The following ZC3HC1 variants were observed in gnomAD, a reference collection of about 807,000 sequenced individuals.
ZC3HC1 encodes the protein zinc finger C3HC-type protein 1.
ZC3HC1 carries 38 observed loss-of-function variants against 61.9 expected under a neutral mutation model. The observed-to-expected ratio is 0.61, with a 90% CI of 0.47 to 0.81. ZC3HC1 has a LOEUF of 0.81. Among genes scored for constraint, ZC3HC1 ranks in the 30% least tolerant of loss-of-function variants. The pLI, the probability that ZC3HC1 is intolerant of heterozygous loss-of-function variation, is 0.00. For missense variants in ZC3HC1, 554 were observed against 622.7 expected, an observed-to-expected ratio of 0.89 and a Z score of 1.17; for synonymous variants, 213 against 229.9, an observed-to-expected ratio of 0.93 and a Z score of 0.67.
chr7:130,024,366 G>T lies in ZC3HC1; in HGVS notation c.917C>A (p.Pro306Gln). ...ASFGLTSSPIPGLEGRPERLP... is the reference protein window; with the variant it reads ...ASFGLTSSPIQGLEGRPERLP... The stretch of plus-strand genomic sequence containing the variant: ...GCGCTCTGGTCGCCCCTCAAGGCCT[G>T]GGATTGGGGAGCTGGTCAGGCCAAA... Residue 306 changes from proline (P) to glutamine (Q), a missense_variant, in exon 7 of 10, where the codon CCA becomes CAA. Physicochemically the swap from Pro to Gln is moderately conservative, Grantham distance 76 (BLOSUM62 -1). Coordinates refer to ENST00000358303, the MANE Select transcript of ZC3HC1 (RefSeq NM_016478.5). 1 of 1,614,132 alleles carries T rather than the reference G, an allele frequency of 6.2e-7. No homozygotes were observed. Among genetic ancestry groups the T allele is most frequent in the East Asian group, 2.2e-5 (1 of 44,872 alleles).
At chr7:130,051,383 G>C, upstream of ZC3HC1, 2 of 1,612,036 alleles carry the variant, frequency 1.2e-6, no homozygotes, top group South Asian at 1.1e-5. Context: ...CCGCTGCCGA[G>C]TTGCTTCCCC....
chr7:130,026,042 G>T, intron 6 of ZC3HC1, 116 bp downstream of exon 6: 2 of 1,265,672 alleles, frequency 1.6e-6, no homozygotes, highest in Admixed American at 2.6e-5. Context: ...GTTTTTCTTT[G>T]TCTCTTTTTC....
At position 130,023,821 on chromosome 7, in the gene ZC3HC1, A is replaced by G; in HGVS notation, c.1021-98T>C. ...AATCTTTTTTCTTTTTTTTTTTGAGACAGAGTCTCGCTTTGTTGCCAAGGC... is the reference window on the plus strand; with the variant it reads ...AATCTTTTTTCTTTTTTTTTTTGAGGCAGAGTCTCGCTTTGTTGCCAAGGC... On this transcript the variant is annotated intron_variant, in intron 7 of 9. Transcript: ENST00000358303. This position sits in a 1 kb window ranked among gnomAD's most constrained non-coding sequence, Gnocchi z 4.2. 3.6e-6 allele frequency: 4 copies of G among 1,120,258 alleles called. No homozygotes were observed. The highest frequency in any genetic ancestry group is 3.7e-6 in the Non-Finnish European group (3 of 806,976). The allele number at this position is 1,120,258 out of a possible 1,614,324, so 69.4% of individuals were successfully genotyped here.
intron 6 of ZC3HC1, among the ~76,000 whole-genome samples, chr7:130,024,830 G>T (rs1204731268): frequency 6.7e-6 from 1 of 149,948 alleles, no homozygotes; most frequent in Admixed American, 6.7e-5. Context: ...GATCACCTGA[G>T]GTCAGGAGTT....
At chr7:130,049,773 A>G (rs1443128753) in intron 1 of ZC3HC1, among the ~76,000 whole-genome samples, 2 of 151,982 alleles carry the variant, frequency 1.3e-5, no homozygotes, top group African/African-American at 4.8e-5. Flanking sequence ...GCTGGTCTGT[A>G]ACTCCTGACT....
At position 130,023,755 on chromosome 7, in the gene ZC3HC1, G is replaced by A. The variant is rs571196425; in HGVS notation, c.1021-32C>T. On this transcript the variant is annotated intron_variant, in intron 7 of 9. Coordinates refer to ENST00000358303, the MANE Select transcript of ZC3HC1 (RefSeq NM_016478.5). The surrounding 1 kb of genome is among the most constrained non-coding windows in gnomAD (Gnocchi z 4.2). The stretch of plus-strand genomic sequence containing the variant: ...GAAAGGGGAGATAATGGAAGTACAC[G>A]AATGATATTAATGATTATGGTCAGA... 46 of 1,515,994 alleles carry A rather than the reference G, an allele frequency of 3.0e-5. No homozygotes were observed. The Admixed American group carries it at 4.1e-4, about 14-fold the overall frequency. 93.9% of individuals were successfully genotyped at this position (1,515,994 alleles called of 1,614,324 possible). A position where few individuals can be genotyped will look rare whatever the true frequency, so the allele number is the denominator to read the frequency against.
At position 130,022,514 on chromosome 7, in the gene ZC3HC1, G is replaced by C. The variant is rs1563073522; in HGVS notation, c.1245C>G (p.Ser415=). 1.2e-5 allele frequency: 20 copies of C among 1,614,046 alleles called. No individual in the cohort carries two copies. The highest frequency in any genetic ancestry group is 1.7e-5 in the Non-Finnish European group (20 of 1,179,974). ...GAGAGGTGGGATCAAAGAAGCTTCG[G>C]GAAGATGTGTCCTGAGGAAGGAGAA... ...LCSSSSSDTS[S]RSFFDPTSQH... Residue 415 remains serine, a synonymous_variant, in exon 9 of 10, where the codon TCC becomes TCG. Transcript: ENST00000358303.
At chr7:130,019,809 GT>G (rs754542017) in intron 9 of ZC3HC1, among the ~76,000 whole-genome samples, 2,840 of 95,732 alleles carry the variant, frequency 0.03, 14 homozygotes, top group African/African-American at 0.076. Flanking sequence ...GCTTTCACAG[GT>G]TTTTTTTTTT....
Position 130,045,633 on chromosome 7 carries a change from G to A in ZC3HC1, c.258+3400C>T, listed in dbSNP as rs1229766949. ...AGACATCAACTGGGCCAGGTGCAGT[G>A]GCTCACGCCTGTAATCCCAGCACTT... On this transcript the variant is annotated intron_variant, in intron 2 of 9. Coordinates refer to ENST00000358303, the MANE Select transcript of ZC3HC1 (RefSeq NM_016478.5). The A allele has an allele frequency of 7.2e-6, 3 of 418,646 alleles. No homozygotes were observed. The East Asian group carries it at 2.2e-4, about 30-fold the overall frequency. The allele number at this position is 418,646 out of a possible 1,614,324, so 25.9% of individuals were successfully genotyped here.
At position 130,041,043 on chromosome 7, in the gene ZC3HC1, C is replaced by G. The variant is rs555897722; in HGVS notation, c.317G>C (p.Gly106Ala). The change falls in exon 3 of 10, where the codon GGC (glycine) becomes GCC (alanine). Residue 106 changes from glycine (G) to alanine (A), a missense_variant. Gly to Ala is a moderately conservative substitution (Grantham distance 60). Coordinates refer to ENST00000358303, the MANE Select transcript of ZC3HC1 (RefSeq NM_016478.5). ...ELSPLVCAKY[G>A]WVTVECDMLK... ...CATATCACATTCCACTGTGACCCAG[C>G]CATATTTTGCACAGACGAGTGGAGA... The G allele has an allele frequency of 5.6e-6, 9 of 1,613,912 alleles. No homozygotes were observed. The highest frequency in any genetic ancestry group is 7.6e-6 in the Non-Finnish European group (9 of 1,180,012).
chr7:130,050,353 T>G lies in ZC3HC1; in HGVS notation c.146+868A>C, dbSNP rs1563088060. On this transcript the variant is annotated intron_variant, in intron 1 of 9. Coordinates refer to ENST00000358303, the MANE Select transcript of ZC3HC1 (RefSeq NM_016478.5). Reference sequence around the variant, plus strand: ...CAGCCTCCTCAAAGTGCTGGGATTATAGGCGTGAGCCACCGCGCCCGGCGA... The same window carrying G: ...CAGCCTCCTCAAAGTGCTGGGATTAGAGGCGTGAGCCACCGCGCCCGGCGA... 5 of 1,408,804 alleles carry G rather than the reference T, an allele frequency of 3.5e-6. No homozygotes were observed. In the East Asian group the frequency reaches 1.3e-4, roughly 36 times the overall value. 87.3% of individuals were successfully genotyped at this position (1,408,804 alleles called of 1,614,324 possible).
chr7:130,024,222 ATGT>A (rs781654390), intron 7 of ZC3HC1, 38 bp downstream of exon 7: 1 of 1,545,114 alleles, frequency 6.5e-7, no homozygotes, highest in Non-Finnish European at 8.7e-7. Context: ...TTTGCCAAGA[ATGT>A]TGTTTAAAAT....
At chr7:130,034,213 TTTTGGC>T in intron 4 of ZC3HC1, among the ~76,000 whole-genome samples, 1 of 150,862 alleles carries the variant, frequency 6.6e-6, no homozygotes, top group Non-Finnish European at 1.5e-5. Flanking sequence ...CGGCAGGGCA[TTTTGGC>T]TCAAGCCTGT....
At chr7:130,020,657 G>C (rs998027652) in intron 9 of ZC3HC1, among the ~76,000 whole-genome samples, 4 of 151,746 alleles carry the variant, frequency 2.6e-5, no homozygotes, top group Non-Finnish European at 4.4e-5. Context: ...AGAAGGTTAA[G>C]ACACACTACC....
intron 4 of ZC3HC1, among the ~76,000 whole-genome samples, chr7:130,038,921 T>G (rs1369052804): frequency 6.7e-6 from 1 of 149,156 alleles, no homozygotes; most frequent in Non-Finnish European, 1.5e-5. Flanking sequence ...CCAGGGCCCC[T>G]GTAAGGATTA....
chr7:130,020,209 A>G (rs902589111), intron 9 of ZC3HC1, among the ~76,000 whole-genome samples: 48 of 152,128 alleles, frequency 3.2e-4, no homozygotes, highest in African/African-American at 9.4e-4. Flanking sequence ...GACTGAGGGA[A>G]ATTTAGTTAA....
chr7:130,039,406 T>A, intron 4 of ZC3HC1, 58 bp downstream of exon 4: 1 of 1,344,446 alleles, frequency 7.4e-7, no homozygotes, highest in Non-Finnish European at 1.0e-6. Context: ...AAACAGACAA[T>A]ATTAGAAATG....
chr7:130,030,449 C>T (rs1794127010), intron 4 of ZC3HC1, among the ~76,000 whole-genome samples: 1 of 152,094 alleles, frequency 6.6e-6, no homozygotes, highest in Admixed American at 6.6e-5. Flanking sequence ...ATCCACCCAC[C>T]TTGGCCTCCC....
At chr7:130,040,720 C>T (rs111343649) in intron 3 of ZC3HC1, among the ~76,000 whole-genome samples, 2,503 of 150,058 alleles carry the variant, frequency 0.017, 82 homozygotes, top group African/African-American at 0.058. Context: ...GAGGAAGGAT[C>T]GCTTGAGCCC....
Sources: allele counts gnomAD v4.1 joint callset (sites outside exome capture counted in the v4.1 genomes callset), GRCh38; gene constraint gnomAD v4.1.1; non-coding constraint Gnocchi (gnomAD v3.1); transcripts MANE v1.5; gene names NCBI Gene and HGNC (gene_info 2026-07-23, HGNC 2026-07-21).